The following TMEFF2 variants were observed in gnomAD, a reference collection of about 807,000 sequenced individuals.
TMEFF2 encodes tomoregulin-2.
Under a neutral mutation model 53.8 loss-of-function variants are expected in TMEFF2, and 28 were observed. That is an observed-to-expected ratio of 0.52 (90% CI 0.39 to 0.71). The LOEUF (loss-of-function observed/expected upper bound fraction) is 0.71. TMEFF2 is among the 30% of genes least tolerant of loss of function. The probability of loss-of-function intolerance (pLI) is 0.00; values close to 1 mark genes in which losing one functional copy is unlikely to be tolerated. For missense variants in TMEFF2, 353 were observed against 455.2 expected, an observed-to-expected ratio of 0.78 and a Z score of 2.04; for synonymous variants, 162 against 166.3, an observed-to-expected ratio of 0.97 and a Z score of 0.20.
intron 4 of TMEFF2, among the ~76,000 whole-genome samples, chr2:192,104,929 T>C (rs2105948291): frequency 6.6e-6 from 1 of 152,166 alleles, no homozygotes; most frequent in Non-Finnish European, 1.5e-5. Context: ...TTTAAGTTAG[T>C]TATAGGTAAA....
chr2:192,056,109 AT>A (rs1687902546), intron 5 of TMEFF2, among the ~76,000 whole-genome samples: 1 of 151,850 alleles, frequency 6.6e-6, no homozygotes, highest in Admixed American at 6.6e-5. Flanking sequence ...TCTTGTCTTA[AT>A]TTTTTTTCTT....
intron 4 of TMEFF2, among the ~76,000 whole-genome samples, chr2:192,115,481 C>T (rs1028663456): frequency 6.6e-6 from 1 of 151,684 alleles, no homozygotes; most frequent in Non-Finnish European, 1.5e-5. Context: ...CAGATAAACA[C>T]GTGGAATTAC....
At chr2:192,187,149 G>A (rs1449459062) in intron 2 of TMEFF2, among the ~76,000 whole-genome samples, 1 of 152,128 alleles carries the variant, frequency 6.6e-6, no homozygotes, top group African/African-American at 2.4e-5. Context: ...GCTCACGAGT[G>A]GGAGTCTAGT....
intron 4 of TMEFF2, among the ~76,000 whole-genome samples, chr2:192,098,781 C>T (rs7570516): frequency 0.34 from 52,197 of 151,992 alleles, 12,870 homozygotes; most frequent in African/African-American, 0.67. Flanking sequence ...GCCAGCTAGC[C>T]GATCATCATA....
At chr2:191,954,329 G>C (rs951812325) in intron 8 of TMEFF2, among the ~76,000 whole-genome samples, 11 of 151,870 alleles carry the variant, frequency 7.2e-5, no homozygotes, top group African/African-American at 2.4e-4. Context: ...GTGTTTCTCG[G>C]TTATCAGATA....
At chr2:192,071,862 C>G (rs940489221) in intron 4 of TMEFF2, among the ~76,000 whole-genome samples, 1 of 151,738 alleles carries the variant, frequency 6.6e-6, no homozygotes, top group Non-Finnish European at 1.5e-5. Context: ...GGATATGGAA[C>G]CCACAATACA....
At chr2:192,045,518 T>C (rs1416324175) in intron 5 of TMEFF2, among the ~76,000 whole-genome samples, 1 of 152,210 alleles carries the variant, frequency 6.6e-6, no homozygotes, top group Non-Finnish European at 1.5e-5. Context: ...ACTGTAATAA[T>C]AAAGTGGATA....
At chr2:192,083,623 T>C (rs909891819) in intron 4 of TMEFF2, among the ~76,000 whole-genome samples, 9 of 151,836 alleles carry the variant, frequency 5.9e-5, no homozygotes, top group Admixed American at 5.3e-4. Context: ...AAAAAAATCC[T>C]CTACATAGCG....
At chr2:192,086,717 A>G (rs9636317) in intron 4 of TMEFF2, among the ~76,000 whole-genome samples, 66,019 of 151,872 alleles carry the variant, frequency 0.43, 15,254 homozygotes, top group South Asian at 0.55. Context: ...AGCAACCTTA[A>G]GTTCACACGT....
At chr2:192,150,141 A>G (rs145086067) in intron 4 of TMEFF2, among the ~76,000 whole-genome samples, 38 of 152,130 alleles carry the variant, frequency 2.5e-4, no homozygotes, top group Admixed American at 1.2e-3. Context: ...AAGTGAACAA[A>G]TAAAACACAC....
intron 7 of TMEFF2, among the ~76,000 whole-genome samples, chr2:191,968,881 C>T (rs1400188489): frequency 3.3e-5 from 5 of 152,004 alleles, no homozygotes. Flanking sequence ...CATCACCATA[C>T]ATACAGAAAA....
chr2:192,057,951 CAATAAT>C (rs1177456281), intron 4 of TMEFF2, among the ~76,000 whole-genome samples, 176 bp from the exon 5 acceptor site: 2 of 152,126 alleles, frequency 1.3e-5, no homozygotes, highest in Non-Finnish European at 2.9e-5. Context: ...ACAACTCTAA[CAATAAT>C]ATGTTTCCCA....
chr2:192,065,469 A>G (rs1208587634), intron 4 of TMEFF2, among the ~76,000 whole-genome samples: 1 of 151,850 alleles, frequency 6.6e-6, no homozygotes, highest in African/African-American at 2.4e-5. Flanking sequence ...CTGGTTCTAC[A>G]CTCATTTAAA....
chr2:191,950,304 G>A lies in TMEFF2; in HGVS notation c.*7C>T. The A allele has an allele frequency of 6.2e-7, 1 of 1,613,498 alleles. No homozygotes were observed. The highest frequency in any genetic ancestry group is 8.5e-7 in the Non-Finnish European group (1 of 1,179,786). Reference sequence around the variant, plus strand: ...CGGTAGTCCAGCCACTGTGAAACATGCTCCCTTTAGATTAACCTCGTGGAC... The same window carrying A: ...CGGTAGTCCAGCCACTGTGAAACATACTCCCTTTAGATTAACCTCGTGGAC... On this transcript the variant is annotated 3_prime_UTR_variant, in exon 10 of 10. Coordinates refer to ENST00000272771, the MANE Select transcript of TMEFF2 (RefSeq NM_016192.4).
intron 2 of TMEFF2, among the ~76,000 whole-genome samples, chr2:192,188,621 G>C (rs1013331456): frequency 6.6e-6 from 1 of 152,156 alleles, no homozygotes; most frequent in Non-Finnish European, 1.5e-5. Context: ...AAGAACATTT[G>C]TAGATCTAAA....
intron 9 of TMEFF2, among the ~76,000 whole-genome samples, chr2:191,952,548 T>C (rs954546450): frequency 2.0e-5 from 3 of 152,074 alleles, no homozygotes; most frequent in African/African-American, 4.8e-5. Flanking sequence ...TTTAATATAA[T>C]CACTTGGCAT....
At chr2:192,044,775 C>T (rs963576851) in intron 5 of TMEFF2, among the ~76,000 whole-genome samples, 1 of 152,140 alleles carries the variant, frequency 6.6e-6, no homozygotes, top group Non-Finnish European at 1.5e-5. Context: ...GATAACTACT[C>T]TCCTTTTGAG....
intron 7 of TMEFF2, among the ~76,000 whole-genome samples, chr2:191,988,794 G>A (rs538374017): frequency 5.5e-4 from 2 of 3,636 alleles, no homozygotes; most frequent in East Asian, 0.25. Context: ...TAAGGCAGAG[G>A]TTTTTTTTTT....
intron 4 of TMEFF2, among the ~76,000 whole-genome samples, chr2:192,142,031 C>G (rs560939663): frequency 9.1e-4 from 138 of 151,954 alleles, no homozygotes; most frequent in African/African-American, 3.3e-3. Context: ...AAAGACTTTA[C>G]AGAAAAAATA....
Sources: gnomAD v4.1 joint callset for allele counts (sites outside exome capture counted in the v4.1 genomes callset) on GRCh38, gnomAD v4.1.1 for gene constraint, MANE v1.5 for transcripts, NCBI Gene and HGNC (gene_info 2026-07-23, HGNC 2026-07-21) for gene names.